Variants in LRBA observed in about 807,000 individuals in gnomAD.
The protein encoded by LRBA is LPS responsive beige-like anchor protein.
Under a neutral mutation model 330.0 loss-of-function variants are expected in LRBA, and 176 were observed. The observed-to-expected ratio is 0.53, with a 90% confidence interval of 0.47 to 0.60. The LOEUF is 0.60. Ranked by LOEUF, LRBA falls within the 20% of genes least tolerant of loss-of-function variation. The probability of loss-of-function intolerance (pLI) is 0.00; values close to 1 mark genes in which losing one functional copy is unlikely to be tolerated. For synonymous variants in LRBA, 1,230 were observed against 1,193.0 expected (o/e 1.03, Z -0.64); for missense variants, 3,259 against 3,444.8 (o/e 0.95, Z 1.35).
chr4:150,349,404 T>C (rs1736842139), intron 48 of LRBA, among the ~76,000 whole-genome samples: 1 of 152,178 alleles, frequency 6.6e-6, no homozygotes, highest in African/African-American at 2.4e-5. Flanking sequence ...CATAATTAGA[T>C]TAGAAATACT....
chr4:150,811,490 G>A (rs1013701429), intron 31 of LRBA, among the ~76,000 whole-genome samples: 1 of 151,624 alleles, frequency 6.6e-6, no homozygotes, highest in African/African-American at 2.4e-5. Context: ...TGTGTTAACT[G>A]GTTTATTGGG....
chr4:150,506,195 G>C (rs1382148858), intron 40 of LRBA, among the ~76,000 whole-genome samples: 1 of 152,032 alleles, frequency 6.6e-6, no homozygotes, highest in Non-Finnish European at 1.5e-5. Context: ...CCAATCAATA[G>C]AAAAAGAGGG....
At chr4:150,657,925 G>C (rs960880439) in intron 37 of LRBA, among the ~76,000 whole-genome samples, 3 of 151,870 alleles carry the variant, frequency 2.0e-5, no homozygotes, top group Admixed American at 6.6e-5. Flanking sequence ...CCATTATTTT[G>C]CTTTTACTGC....
intron 29 of LRBA, 98 bp downstream of exon 29, chr4:150,831,719 A>G (rs1747222305): frequency 1.0e-6 from 1 of 959,472 alleles, no homozygotes; most frequent in Non-Finnish European, 1.5e-6. Flanking sequence ...TAATTTGCAC[A>G]GAAATGGATT....
intron 36 of LRBA, among the ~76,000 whole-genome samples, chr4:150,692,678 T>C (rs1220180181): frequency 6.6e-6 from 1 of 152,106 alleles, no homozygotes; most frequent in Non-Finnish European, 1.5e-5. Flanking sequence ...GAGAGCAACA[T>C]GTACTTCACA....
intron 42 of LRBA, among the ~76,000 whole-genome samples, chr4:150,476,370 C>G (rs1346965340): frequency 6.6e-6 from 1 of 152,036 alleles, no homozygotes; most frequent in Non-Finnish European, 1.5e-5. Context: ...CAGAAGTAAC[C>G]AAAGCACTAA....
chr4:150,309,219 C>T lies in LRBA; in HGVS notation c.7849+1010G>A, dbSNP rs544775934. Among the ~76,000 whole-genome samples, 257 of 152,180 alleles carry T rather than the reference C, an allele frequency of 1.7e-3. 1 individual carries two copies. The highest frequency in any genetic ancestry group is 3.2e-3 in the Non-Finnish European group (216 of 68,006). On this transcript the variant is annotated intron_variant, in intron 52 of 56. Coordinates refer to ENST00000651943, the MANE Select transcript of LRBA (RefSeq NM_001364905.1). Reference sequence around the variant, plus strand: ...TGTGTTTAGACACACAGATACTTACCGTTGTGTTATAATTGCCTACAGTAT... The same window carrying T: ...TGTGTTTAGACACACAGATACTTACTGTTGTGTTATAATTGCCTACAGTAT...
chr4:150,707,446 C>T (rs146766185), intron 36 of LRBA, among the ~76,000 whole-genome samples: 91 of 151,354 alleles, frequency 6.0e-4, no homozygotes, highest in African/African-American at 2.1e-3. Flanking sequence ...AAATAAAAAA[C>T]CAATCAGAAA....
intron 5 of LRBA, 111 bp from the exon 6 acceptor site, chr4:150,916,849 T>C: frequency 2.4e-6 from 2 of 829,220 alleles, no homozygotes; most frequent in Non-Finnish European, 3.5e-6. Context: ...CACATTACTT[T>C]ATGTCACAAT....
chr4:150,655,672 C>T (rs948839481), intron 37 of LRBA, among the ~76,000 whole-genome samples: 6 of 152,208 alleles, frequency 3.9e-5, no homozygotes, highest in African/African-American at 1.2e-4. Context: ...ATGGCCAGTG[C>T]TGTTTCTGTC....
intron 23 of LRBA, among the ~76,000 whole-genome samples, 155 bp from the exon 24 acceptor site, chr4:150,851,057 A>G (rs901385822): frequency 6.6e-6 from 1 of 152,244 alleles, no homozygotes; most frequent in African/African-American, 2.4e-5. Flanking sequence ...TCAATGAGTA[A>G]TAACATTAAC....
At chr4:150,872,023 G>T (rs369106120) in intron 18 of LRBA, among the ~76,000 whole-genome samples, 1 of 152,072 alleles carries the variant, frequency 6.6e-6, no homozygotes, top group Admixed American at 6.6e-5. Context: ...AGAATTTGTG[G>T]ACCAGGTGAT....
intron 53 of LRBA, among the ~76,000 whole-genome samples, chr4:150,294,190 A>G (rs1728684739): frequency 2.0e-5 from 3 of 152,224 alleles, no homozygotes; most frequent in Admixed American, 2.0e-4. Context: ...GTATACTTAA[A>G]AGTATACCCC....
intron 2 of LRBA, among the ~76,000 whole-genome samples, chr4:150,993,431 T>C (rs939048335): frequency 1.3e-5 from 2 of 152,008 alleles, no homozygotes; most frequent in African/African-American, 2.4e-5. Flanking sequence ...TGGCTAGGCA[T>C]AGTAGGCTCA....
chr4:150,898,950 T>C lies in LRBA; in HGVS notation c.1924+1099A>G, dbSNP rs1730422684. ...ATTTTGAAAGTGATATAAAAAGTAG[T>C]ATGCAAATTGAAAATCTTTGTAAAT... On this transcript the variant is annotated intron_variant, in intron 14 of 56. Coordinates refer to ENST00000651943, the MANE Select transcript of LRBA (RefSeq NM_001364905.1). 1.3e-5 allele frequency among the ~76,000 whole-genome samples: 2 copies of C among 152,298 alleles called. 1 individual carries two copies. Among genetic ancestry groups the C allele is most frequent in the South Asian group, 4.1e-4 (2 of 4,828 alleles).
intron 53 of LRBA, among the ~76,000 whole-genome samples, chr4:150,302,288 A>G (rs1729777123): frequency 6.6e-6 from 1 of 152,202 alleles, no homozygotes; most frequent in Non-Finnish European, 1.5e-5. Context: ...TAAAATATGA[A>G]TTCAATAAAC....
chr4:150,573,005 C>T (rs1157778574), intron 40 of LRBA, among the ~76,000 whole-genome samples: 1 of 152,110 alleles, frequency 6.6e-6, no homozygotes, highest in Admixed American at 6.5e-5. Flanking sequence ...GACAACCTAA[C>T]GATATGAAAC....
intron 36 of LRBA, among the ~76,000 whole-genome samples, chr4:150,717,781 G>A (rs552783408): frequency 6.6e-6 from 1 of 150,882 alleles, no homozygotes; most frequent in Non-Finnish European, 1.5e-5. Flanking sequence ...AGACCACCTG[G>A]TTTGCAGTTC....
At position 150,648,370 on chromosome 4, in the gene LRBA, G is replaced by A. The variant is rs373083970; in HGVS notation, c.5921+35181C>T. On this transcript the variant is annotated intron_variant, in intron 37 of 56. Coordinates refer to ENST00000651943, the MANE Select transcript of LRBA (RefSeq NM_001364905.1). ...GCTGACGGATGAACAGGTTGAGGCC[G>A]CAGAAAGTTCAAGATCTAAGAAACC... Among the ~76,000 whole-genome samples, 20 of 151,826 alleles carry A rather than the reference G, an allele frequency of 1.3e-4. No individual in the cohort carries two copies. The East Asian group carries it at 3.5e-3, about 26-fold the overall frequency.
Sources: allele counts gnomAD v4.1 joint callset (sites outside exome capture counted in the v4.1 genomes callset), GRCh38; gene constraint gnomAD v4.1.1; transcripts MANE v1.5; gene names NCBI Gene and HGNC (gene_info 2026-07-23, HGNC 2026-07-21).